AK7: variants seen among roughly 807,000 people sequenced by gnomAD.
The protein encoded by AK7 is ATP-AMP transphosphorylase 7.
AK7 carries 78 observed loss-of-function variants against 96.6 expected under a neutral mutation model. The ratio of observed to expected loss-of-function variants is 0.81; its 90% confidence interval spans 0.67 to 0.97. AK7 has a LOEUF of 0.97. AK7 is among the 50% of genes least tolerant of loss of function. The probability of loss-of-function intolerance (pLI) is 0.00; values close to 1 mark genes in which losing one functional copy is unlikely to be tolerated. For missense variants in AK7, 855 were observed against 887.9 expected (o/e 0.96, Z 0.47); for synonymous variants, 302 against 317.2 (o/e 0.95, Z 0.51).
At chr14:96,404,150 TAA>T (rs34091316) in intron 2 of AK7, among the ~76,000 whole-genome samples, 6,567 of 99,724 alleles carry the variant, frequency 0.066, 283 homozygotes, top group African/African-American at 0.16. Flanking sequence ...TGTCTCAAAT[TAA>T]AAAAAAAAAA....
intron 1 of AK7, among the ~76,000 whole-genome samples, chr14:96,395,586 C>A (rs942206302): frequency 4.0e-5 from 6 of 151,898 alleles, no homozygotes; most frequent in African/African-American, 1.5e-4. Flanking sequence ...CACACGCCTA[C>A]CTTCCCAGCT....
intron 16 of AK7, among the ~76,000 whole-genome samples, chr14:96,485,743 G>A (rs1203727540): frequency 2.7e-5 from 4 of 150,758 alleles, no homozygotes; most frequent in African/African-American, 9.8e-5. Flanking sequence ...TGATCTCTGG[G>A]TTGGCAATCT....
At chr14:96,437,794 A>G in intron 5 of AK7, 41 bp from the exon 6 acceptor site, 1 of 1,484,908 alleles carries the variant, frequency 6.7e-7, no homozygotes, top group Non-Finnish European at 9.3e-7. Context: ...ATGACTAATA[A>G]TATTACATCC....
chr14:96,455,847 C>T lies in AK7; in HGVS notation c.1099-500C>T, dbSNP rs1216085114. 4.6e-5 allele frequency among the ~76,000 whole-genome samples: 7 copies of T among 152,282 alleles called. No individual in the cohort carries two copies. In the East Asian group the frequency reaches 1.4e-3, roughly 29 times the overall value. On this transcript the variant is annotated intron_variant, in intron 10 of 17. Coordinates refer to ENST00000267584, the MANE Select transcript of AK7 (RefSeq NM_152327.5). ...GGCAGACGCTTTCGGGATGATGTGGCAGTCACCCTGGTGGTGGTGGTGGGG... is the reference window on the plus strand; with the variant it reads ...GGCAGACGCTTTCGGGATGATGTGGTAGTCACCCTGGTGGTGGTGGTGGGG...
chr14:96,441,369 TG>T (rs1892946773), intron 6 of AK7, among the ~76,000 whole-genome samples: 1 of 152,090 alleles, frequency 6.6e-6, no homozygotes, highest in Admixed American at 6.5e-5. Context: ...CCAGGCATGG[TG>T]GTTCACGCCA....
Position 96,392,275 on chromosome 14 carries a change from G to A in AK7, c.105+16G>A. On this transcript the variant is annotated intron_variant, in intron 1 of 17. Coordinates refer to ENST00000267584, the MANE Select transcript of AK7 (RefSeq NM_152327.5). ...CATCGGGAAGGTGAGCGGCGGCGGC[G>A]GCCCAGAGCCTCACGCCAGCTCTCA... 2 of 1,598,474 alleles carry A rather than the reference G, an allele frequency of 1.3e-6. No homozygotes were observed. Among genetic ancestry groups the A allele is most frequent in the East Asian group, 2.2e-5 (1 of 44,706 alleles).
chr14:96,408,373 G>T (rs542898973), intron 3 of AK7, among the ~76,000 whole-genome samples: 2 of 152,222 alleles, frequency 1.3e-5, no homozygotes, highest in Non-Finnish European at 2.9e-5. Context: ...TGGGCAAACT[G>T]TGCCTCGGTT....
intron 4 of AK7, among the ~76,000 whole-genome samples, chr14:96,417,593 G>A (rs1278752825): frequency 1.3e-5 from 2 of 152,152 alleles, no homozygotes; most frequent in Non-Finnish European, 2.9e-5. Flanking sequence ...GGTAAATTCT[G>A]TTCATTCATC....
At position 96,420,211 on chromosome 14, in the gene AK7, G is replaced by T. The variant is rs117498733; in HGVS notation, c.499-611G>T. 2.2e-3 allele frequency among the ~76,000 whole-genome samples: 330 copies of T among 151,678 alleles called. 1 individual carries two copies. Among genetic ancestry groups the T allele is most frequent in the Non-Finnish European group, 3.7e-3 (248 of 67,858 alleles). On this transcript the variant is annotated intron_variant, in intron 4 of 17. Coordinates refer to ENST00000267584, the MANE Select transcript of AK7 (RefSeq NM_152327.5). The stretch of plus-strand genomic sequence containing the variant: ...GAGTAAATCACTATTCAAATAAGTG[G>T]TATGGTTGGATGTGGTGGTTCACGC...
chr14:96,436,249 A>T (rs1235233166), intron 5 of AK7, among the ~76,000 whole-genome samples: 1 of 152,162 alleles, frequency 6.6e-6, no homozygotes. Context: ...TACAATTTTT[A>T]AAATCTCTAT....
rs531302988 is a variant in AK7 at position 96,417,873 on chromosome 14, G to A, written c.499-2949G>A. ...GTGATATATCGAGTTAAAAATACAC[G>A]TATCAATCAATAGCAAACCAGGTGG... On this transcript the variant is annotated intron_variant, in intron 4 of 17. Coordinates refer to ENST00000267584, the MANE Select transcript of AK7 (RefSeq NM_152327.5). Among the ~76,000 whole-genome samples the A allele has an allele frequency of 7.8e-4, 119 of 152,196 alleles. 1 individual carries two copies. The highest frequency in any genetic ancestry group is 6.8e-3 in the Middle Eastern group (2 of 294).
intron 15 of AK7, among the ~76,000 whole-genome samples, chr14:96,482,663 C>T (rs1288250916): frequency 6.6e-6 from 1 of 152,158 alleles, no homozygotes; most frequent in African/African-American, 2.4e-5. Flanking sequence ...GTAGAAACCT[C>T]TGAAAGAAGT....
Position 96,392,259 on chromosome 14 carries a change from G to C in AK7, c.105G>C (p.Lys35Asn), listed in dbSNP as rs760985683. ...LDSYSSGNIG[K>N]FLSNCVVGAS... ...CCTACAGCAGCGGAAACATCGGGAA[G>C]GTGAGCGGCGGCGGCGGCCCAGAGC... The change falls in exon 1 of 18, where the codon AAG becomes AAC. Residue 35 changes from lysine (K) to asparagine (N), a missense_variant and splice_region_variant. Lys to Asn is a moderately conservative substitution (Grantham distance 94). Transcript: ENST00000267584. The C allele has an allele frequency of 6.2e-7, 1 of 1,611,018 alleles. No homozygotes were observed. Among genetic ancestry groups the C allele is most frequent in the Admixed American group, 1.7e-5 (1 of 59,980 alleles).
chr14:96,469,678 A>G (rs1008055070), intron 12 of AK7, among the ~76,000 whole-genome samples: 7 of 152,242 alleles, frequency 4.6e-5, no homozygotes, highest in Non-Finnish European at 8.8e-5. Context: ...TCATTATGTT[A>G]AATAATACTT....
chr14:96,470,752 T>C lies in AK7; in HGVS notation c.1358-726T>C, dbSNP rs572595450. ...TCCAGCACCTTCTTTTAGTAAATTA[T>C]GTGCTGGCAACAAACATGAATGCTA... On this transcript the variant is annotated intron_variant, in intron 12 of 17. Coordinates refer to ENST00000267584, the MANE Select transcript of AK7 (RefSeq NM_152327.5). Among the ~76,000 whole-genome samples, 4 of 152,350 alleles carry C rather than the reference T, an allele frequency of 2.6e-5. No individual in the cohort carries two copies. The South Asian group carries it at 6.2e-4, about 24-fold the overall frequency.
At chr14:96,411,799 T>C (rs1304659499) in intron 4 of AK7, among the ~76,000 whole-genome samples, 1 of 152,176 alleles carries the variant, frequency 6.6e-6, no homozygotes, top group Admixed American at 6.5e-5. Flanking sequence ...CCGTTCGAAG[T>C]CAGAGTGAGC....
At chr14:96,461,131 A>G (rs925776027) in intron 12 of AK7, among the ~76,000 whole-genome samples, 1 of 152,210 alleles carries the variant, frequency 6.6e-6, no homozygotes, top group East Asian at 1.9e-4. Flanking sequence ...CTGCCTTCCC[A>G]TAAGACATTT....
chr14:96,422,672 C>T (rs1382504446), intron 5 of AK7, among the ~76,000 whole-genome samples: 2 of 152,186 alleles, frequency 1.3e-5, no homozygotes, highest in Non-Finnish European at 2.9e-5. Context: ...GCTGTTGGCT[C>T]ATTCTGGCAG....
At position 96,473,382 on chromosome 14, in the gene AK7, A is replaced by G. The variant is rs565516088; in HGVS notation, c.1555+627A>G. 2.8e-4 allele frequency among the ~76,000 whole-genome samples: 43 copies of G among 151,642 alleles called. No individual in the cohort carries two copies. The East Asian group carries it at 7.1e-3, about 25-fold the overall frequency. On this transcript the variant is annotated intron_variant, in intron 14 of 17. Transcript: ENST00000267584. ...GAGACGGGGTTTCACCATGTTAGCC[A>G]GGATGGTCTCGATCTCCCGACCCAC...
Sources: gnomAD v4.1 joint callset for allele counts (sites outside exome capture counted in the v4.1 genomes callset) on GRCh38, gnomAD v4.1.1 for gene constraint, MANE v1.5 for transcripts, NCBI Gene and HGNC (gene_info 2026-07-23, HGNC 2026-07-21) for gene names.